VPS13D: variants seen among roughly 807,000 people sequenced by gnomAD.
VPS13D encodes vacuolar protein sorting 13 homolog D, also known as intermembrane lipid transfer protein VPS13D.
Under a neutral mutation model 461.9 loss-of-function variants are expected in VPS13D, and 187 were observed. The ratio of observed to expected loss-of-function variants is 0.40; its 90% confidence interval spans 0.36 to 0.46. The LOEUF (loss-of-function observed/expected upper bound fraction) is 0.46. Among genes scored for constraint, VPS13D ranks in the 20% least tolerant of loss-of-function variants. The pLI, the probability that VPS13D is intolerant of heterozygous loss-of-function variation, is 0.60. For missense variants in VPS13D, 4,711 were observed against 5,364.9 expected (o/e 0.88, Z 3.81); for synonymous variants, 1,951 against 1,986.3 (o/e 0.98, Z 0.47).
At chr1:12,297,481 G>A (rs1303473370) in intron 24 of VPS13D, among the ~76,000 whole-genome samples, 1 of 152,168 alleles carries the variant, frequency 6.6e-6, no homozygotes, top group African/African-American at 2.4e-5. Context: ...TATCTTGAGT[G>A]GGTTTTGCTT....
At chr1:12,447,642 A>G (rs1307646524) in intron 65 of VPS13D, among the ~76,000 whole-genome samples, 1 of 152,230 alleles carries the variant, frequency 6.6e-6, no homozygotes, top group Non-Finnish European at 1.5e-5. Context: ...AACCTATTTT[A>G]CTTTTGCCAC....
At chr1:12,377,014 G>A (rs1326916325) in intron 55 of VPS13D, among the ~76,000 whole-genome samples, 1 of 151,650 alleles carries the variant, frequency 6.6e-6, no homozygotes, top group Non-Finnish European at 1.5e-5. Flanking sequence ...AGGGACATAT[G>A]TCACTGGATT....
chr1:12,353,901 A>T lies in VPS13D; in HGVS notation c.9432-73A>T, dbSNP rs561469159. Reference sequence around the variant, plus strand: ...AACCATCTTAATGTTATTCTTTCTCATACTTAGCTAAGGAGAAAAAATTTA... The same window carrying T: ...AACCATCTTAATGTTATTCTTTCTCTTACTTAGCTAAGGAGAAAAAATTTA... On this transcript the variant is annotated intron_variant, in intron 46 of 69. Transcript: ENST00000620676. 87 of 1,474,924 alleles carry T rather than the reference A, an allele frequency of 5.9e-5. No homozygotes were observed. The East Asian group carries it at 1.8e-3, about 31-fold the overall frequency. 91.4% of individuals were successfully genotyped at this position (1,474,924 alleles called of 1,614,324 possible). A position where few individuals can be genotyped will look rare whatever the true frequency, so the allele number is the denominator to read the frequency against.
chr1:12,492,583 G>A (rs994892500), intron 67 of VPS13D, among the ~76,000 whole-genome samples: 6 of 152,184 alleles, frequency 3.9e-5, no homozygotes, highest in African/African-American at 7.2e-5. Flanking sequence ...CAGCCACTTC[G>A]AACGCAGTTT....
At chr1:12,484,642 C>T (rs192233124) in intron 67 of VPS13D, among the ~76,000 whole-genome samples, 1 of 152,300 alleles carries the variant, frequency 6.6e-6, no homozygotes, top group East Asian at 1.9e-4. Context: ...ACACATTCAG[C>T]ACTCAGTCAG....
intron 44 of VPS13D, among the ~76,000 whole-genome samples, chr1:12,348,350 G>A (rs1198391723): frequency 6.6e-6 from 1 of 152,216 alleles, no homozygotes; most frequent in African/African-American, 2.4e-5. Flanking sequence ...TTTTAATTGT[G>A]TTGGATGTTC....
intron 40 of VPS13D, among the ~76,000 whole-genome samples, chr1:12,340,489 T>C (rs998085196): frequency 6.6e-6 from 1 of 152,226 alleles, no homozygotes; most frequent in Non-Finnish European, 1.5e-5. Flanking sequence ...GAGTGATTGC[T>C]TTTTAAAAGG....
chr1:12,321,138 G>T (rs1643024149), intron 32 of VPS13D, among the ~76,000 whole-genome samples: 1 of 152,076 alleles, frequency 6.6e-6, no homozygotes, highest in Non-Finnish European at 1.5e-5. Flanking sequence ...CTCTCCCAAT[G>T]AATGTATTTA....
At chr1:12,335,928 A>T in intron 39 of VPS13D, 101 bp downstream of exon 39, 1 of 1,540,906 alleles carries the variant, frequency 6.5e-7, no homozygotes, top group Non-Finnish European at 8.8e-7. Flanking sequence ...GCGTGGAAAA[A>T]CCTACAGGAA....
chr1:12,498,303 G>T (rs550530581), intron 68 of VPS13D, among the ~76,000 whole-genome samples: 19 of 152,152 alleles, frequency 1.2e-4, no homozygotes, highest in Non-Finnish European at 2.8e-4. Flanking sequence ...AATTTCTTCT[G>T]ATGCTTATTT....
intron 12 of VPS13D, among the ~76,000 whole-genome samples, chr1:12,261,544 C>T (rs1641108321): frequency 6.6e-6 from 1 of 152,202 alleles, no homozygotes; most frequent in Admixed American, 6.5e-5. Context: ...ATTGCACTAG[C>T]ACATTAGCCA....
At chr1:12,352,027 C>G (rs146245755) in intron 46 of VPS13D, among the ~76,000 whole-genome samples, 1 of 151,820 alleles carries the variant, frequency 6.6e-6, no homozygotes, top group African/African-American at 2.4e-5. Context: ...CAGTGGCTCA[C>G]GGCTATAATC....
intron 57 of VPS13D, among the ~76,000 whole-genome samples, chr1:12,380,356 T>A (rs1644256866): frequency 6.6e-6 from 1 of 152,260 alleles, no homozygotes. Flanking sequence ...TAAAGGGTTC[T>A]ATGACATGGT....
intron 57 of VPS13D, 49 bp downstream of exon 57, chr1:12,379,645 T>C: frequency 7.0e-7 from 1 of 1,436,368 alleles, no homozygotes; most frequent in Non-Finnish European, 9.7e-7. Context: ...TTGAGCCTTC[T>C]TTGAAACAAA....
At chr1:12,285,919 G>T (rs1641952280) in intron 21 of VPS13D, among the ~76,000 whole-genome samples, 1 of 150,574 alleles carries the variant, frequency 6.6e-6, no homozygotes, top group African/African-American at 2.5e-5. Context: ...AATGATGCAT[G>T]AATTTCTTTC....
At position 12,356,395 on chromosome 1, in the gene VPS13D, A is replaced by G; in HGVS notation, c.9872-3A>G. 6.2e-7 allele frequency: 1 copy of G among 1,612,630 alleles called. No individual in the cohort carries two copies. Among genetic ancestry groups the G allele is most frequent in the Non-Finnish European group, 8.5e-7 (1 of 1,179,464 alleles). On this transcript the variant is annotated splice_region_variant and splice_polypyrimidine_tract_variant and intron_variant, in intron 48 of 69. Coordinates refer to ENST00000620676, the MANE Select transcript of VPS13D (RefSeq NM_015378.4). ...GATGTAAACTTTTCTCTCCTTCCTA[A>G]AGGGTTGCCACTGATCTTCAGACAG... is the stretch of plus-strand genomic sequence containing the variant.
intron 50 of VPS13D, among the ~76,000 whole-genome samples, 182 bp downstream of exon 50, chr1:12,358,783 G>A (rs1643910749): frequency 1.3e-5 from 2 of 152,144 alleles, no homozygotes. Context: ...TTCTCCTGGG[G>A]ATCTGAGGAG....
chr1:12,449,883 G>A (rs1017484193), intron 65 of VPS13D, among the ~76,000 whole-genome samples: 1 of 152,146 alleles, frequency 6.6e-6, no homozygotes, highest in Non-Finnish European at 1.5e-5. Flanking sequence ...CTAGCACCTC[G>A]TGGGGCCGAG....
At chr1:12,260,606 CT>C (rs1379574496) in intron 10 of VPS13D, 86 bp from the exon 11 acceptor site, 3 of 1,118,134 alleles carry the variant, frequency 2.7e-6, no homozygotes, top group South Asian at 2.6e-5. Flanking sequence ...CTGTGCTTTA[CT>C]TTTAGTGGCT....
Sources: gnomAD v4.1 joint callset for allele counts (sites outside exome capture counted in the v4.1 genomes callset) on GRCh38, gnomAD v4.1.1 for gene constraint, MANE v1.5 for transcripts, NCBI Gene and HGNC (gene_info 2026-07-23, HGNC 2026-07-21) for gene names.